The following PAAF1 variants were observed in gnomAD, a reference collection of about 807,000 sequenced individuals.
PAAF1 encodes the protein proteasomal ATPase associated factor 1, also known as proteasomal ATPase-associated factor 1.
A neutral mutation model predicts 52.8 loss-of-function variants in PAAF1; 46 were observed. The ratio of observed to expected loss-of-function variants is 0.87; its 90% confidence interval spans 0.69 to 1.11. The LOEUF is 1.11. PAAF1 is among the 50% of genes most tolerant of loss of function. The pLI, the probability that PAAF1 is intolerant of heterozygous loss-of-function variation, is 0.00. For missense variants in PAAF1, 424 were observed against 477.4 expected, an observed-to-expected ratio of 0.89 and a Z score of 1.04; for synonymous variants, 178 against 172.8, an observed-to-expected ratio of 1.03 and a Z score of -0.24.
intron 7 of PAAF1, among the ~76,000 whole-genome samples, chr11:73,912,872 G>A (rs1949969208): frequency 6.6e-6 from 1 of 152,020 alleles, no homozygotes; most frequent in South Asian, 2.1e-4. Context: ...CAGTCTCCTG[G>A]ACTTTGCCTT....
intron 1 of PAAF1, 99 bp downstream of exon 1, chr11:73,877,167 C>T (rs1948765103): frequency 1.6e-6 from 2 of 1,247,086 alleles, no homozygotes; most frequent in Non-Finnish European, 2.1e-6. Flanking sequence ...ATAGGGGTTA[C>T]TTCGTCAATT....
intron 10 of PAAF1, among the ~76,000 whole-genome samples, chr11:73,920,610 T>C (rs1474922846): frequency 6.6e-6 from 1 of 152,100 alleles, no homozygotes; most frequent in Non-Finnish European, 1.5e-5. Context: ...CCCAGCACTT[T>C]GGGAAGCTGA....
At chr11:73,907,441 CT>C (rs779917032) in intron 6 of PAAF1, among the ~76,000 whole-genome samples, 5 of 152,174 alleles carry the variant, frequency 3.3e-5, no homozygotes, top group Non-Finnish European at 5.9e-5. Context: ...GTGTCATCTT[CT>C]TGGTGAAAGT....
At chr11:73,904,938 T>A (rs1353834940) in intron 6 of PAAF1, among the ~76,000 whole-genome samples, 1 of 152,210 alleles carries the variant, frequency 6.6e-6, no homozygotes, top group Non-Finnish European at 1.5e-5. Context: ...TGAAGACTTG[T>A]ATCTATTTGG....
chr11:73,903,660 T>C (rs1949684218), intron 6 of PAAF1, among the ~76,000 whole-genome samples: 1 of 149,918 alleles, frequency 6.7e-6, no homozygotes, highest in Admixed American at 6.7e-5. Flanking sequence ...GAGGTTGCAG[T>C]GAGCTGAGAT....
chr11:73,900,799 G>A (rs1408766080), intron 6 of PAAF1, among the ~76,000 whole-genome samples: 2 of 151,702 alleles, frequency 1.3e-5, no homozygotes, highest in South Asian at 2.1e-4. Flanking sequence ...CGGCTAAAAC[G>A]GTGAAACCCC....
intron 6 of PAAF1, among the ~76,000 whole-genome samples, chr11:73,904,002 T>G (rs1949693618): frequency 6.6e-6 from 1 of 151,614 alleles, no homozygotes. Context: ...GAGAATCACT[T>G]GAACCTGGGA....
intron 6 of PAAF1, among the ~76,000 whole-genome samples, chr11:73,905,110 T>G (rs1949722122): frequency 6.6e-6 from 1 of 152,186 alleles, no homozygotes; most frequent in African/African-American, 2.4e-5. Flanking sequence ...GTCTGGGCAA[T>G]ATAGTGAGAT....
intron 11 of PAAF1, among the ~76,000 whole-genome samples, chr11:73,926,261 C>T (rs1459656587): frequency 6.6e-6 from 1 of 152,158 alleles, no homozygotes; most frequent in African/African-American, 2.4e-5. Context: ...CATGCGCCAC[C>T]ACACCCGGCT....
At chr11:73,915,094 T>G (rs1229311650) in intron 8 of PAAF1, among the ~76,000 whole-genome samples, 1 of 152,190 alleles carries the variant, frequency 6.6e-6, no homozygotes, top group East Asian at 1.9e-4. Context: ...GTTCCAGCAT[T>G]GGACAAGTTA....
intron 9 of PAAF1, among the ~76,000 whole-genome samples, chr11:73,918,476 T>C (rs1950130700): frequency 6.7e-6 from 1 of 149,188 alleles, no homozygotes; most frequent in Non-Finnish European, 1.5e-5. Flanking sequence ...CTCTTTCTTT[T>C]TTTTTTTTAT....
At chr11:73,904,742 A>ATAATT (rs10656357) in intron 6 of PAAF1, among the ~76,000 whole-genome samples, 8,598 of 152,334 alleles carry the variant, frequency 0.056, 266 homozygotes, top group Middle Eastern at 0.099. Flanking sequence ...GAGAAACTAA[A>ATAATT]TAAATACACT....
chr11:73,923,472 AC>A (rs1950280694), intron 10 of PAAF1, among the ~76,000 whole-genome samples: 1 of 152,058 alleles, frequency 6.6e-6, no homozygotes, highest in Non-Finnish European at 1.5e-5. Flanking sequence ...TGATTTTTGT[AC>A]CTCTGCTTTG....
At chr11:73,921,083 T>C (rs1345739331) in intron 10 of PAAF1, among the ~76,000 whole-genome samples, 2 of 152,084 alleles carry the variant, frequency 1.3e-5, no homozygotes, top group Non-Finnish European at 2.9e-5. Flanking sequence ...GTGGATCAGC[T>C]GAGGTCAGGA....
chr11:73,916,772 T>A, intron 9 of PAAF1, 112 bp downstream of exon 9: 1 of 618,344 alleles, frequency 1.6e-6, no homozygotes, highest in East Asian at 3.0e-5. Context: ...AAGGGTATAT[T>A]TTTCCATTTA....
intron 1 of PAAF1, 143 bp from the exon 2 acceptor site, chr11:73,878,636 T>C (rs1282150365): frequency 1.6e-6 from 1 of 608,454 alleles, no homozygotes; most frequent in Non-Finnish European, 2.9e-6. Flanking sequence ...TAGAATGATC[T>C]ATACTCGATG....
chr11:73,907,050 T>C (rs976304903), intron 6 of PAAF1, among the ~76,000 whole-genome samples: 5 of 152,150 alleles, frequency 3.3e-5, no homozygotes, highest in East Asian at 1.9e-4. Flanking sequence ...TCTTTTTTTT[T>C]CCAGATATAT....
intron 2 of PAAF1, among the ~76,000 whole-genome samples, chr11:73,882,005 G>T (rs1288461176): frequency 6.6e-6 from 1 of 152,026 alleles, no homozygotes; most frequent in Admixed American, 6.6e-5. Flanking sequence ...CTCCCGAGTA[G>T]CTGGGATTAC....
intron 7 of PAAF1, among the ~76,000 whole-genome samples, chr11:73,911,437 C>A (rs1949925999): frequency 6.6e-6 from 1 of 151,674 alleles, no homozygotes; most frequent in South Asian, 2.1e-4. Context: ...CCCATCTTAG[C>A]CTCCCAAAGT....
Sources: gnomAD v4.1 joint callset for allele counts (sites outside exome capture counted in the v4.1 genomes callset) on GRCh38, gnomAD v4.1.1 for gene constraint, MANE v1.5 for transcripts, NCBI Gene and HGNC (gene_info 2026-07-23, HGNC 2026-07-21) for gene names.